Variants in PPFIA1 observed in about 807,000 individuals in gnomAD.
PPFIA1 encodes the protein liprin-alpha-1.
In PPFIA1, 25 loss-of-function variants were observed where a neutral mutation model predicts 149.9. The ratio of observed to expected loss-of-function variants is 0.17; its 90% CI spans 0.12 to 0.23. The LOEUF (loss-of-function observed/expected upper bound fraction) is 0.23, where lower values mean the gene tolerates loss of function less well. Among genes scored for constraint, PPFIA1 ranks in the 10% least tolerant of loss-of-function variants. The pLI is 1.00. For missense variants in PPFIA1, 1,362 were observed against 1,506.5 expected, an observed-to-expected ratio of 0.90 and a Z score of 1.59; for synonymous variants, 549 against 552.8, an observed-to-expected ratio of 0.99 and a Z score of 0.10.
Position 70,374,987 on chromosome 11 carries a change from A to T in PPFIA1, c.3209A>T (p.Asn1070Ile). The T allele has an allele frequency of 6.2e-7, 1 of 1,613,852 alleles. No individual in the cohort carries two copies. The highest frequency in any genetic ancestry group is 1.1e-5 in the South Asian group (1 of 91,026). ...ILSIGLKEYA[N>I]NLIESGVHGA... ...TCAATTGGCCTTAAAGAATATGCAAACAATCTTATAGAGAGTGGTGTTCAC... is the reference window on the plus strand; with the variant it reads ...TCAATTGGCCTTAAAGAATATGCAATCAATCTTATAGAGAGTGGTGTTCAC... The change falls in exon 24 of 28, where the codon AAC becomes ATC. Residue 1070 changes from asparagine (N) to isoleucine (I), a missense_variant. By Grantham distance (149) the Asn-to-Ile change is moderately radical (BLOSUM62 -3). Coordinates refer to ENST00000253925, the MANE Select transcript of PPFIA1 (RefSeq NM_003626.5).
chr11:70,349,791 G>A, intron 16 of PPFIA1: 1 of 385,042 alleles, frequency 2.6e-6, no homozygotes, highest in South Asian at 1.9e-5. Flanking sequence ...TTTCTGTCCA[G>A]AGAATTCGTA....
At chr11:70,361,039 G>GT (rs2056617251) in intron 19 of PPFIA1, among the ~76,000 whole-genome samples, 1 of 152,226 alleles carries the variant, frequency 6.6e-6, no homozygotes, top group African/African-American at 2.4e-5. Context: ...AAATACCTAT[G>GT]TTAGAGAGCA....
intron 2 of PPFIA1, among the ~76,000 whole-genome samples, chr11:70,285,161 C>T (rs184534064): frequency 2.2e-3 from 342 of 152,094 alleles, no homozygotes; most frequent in Non-Finnish European, 4.1e-3. Flanking sequence ...CGCCCGCCAC[C>T]GTGCCCGGCT....
At chr11:70,274,441 C>T (rs982811913) in intron 2 of PPFIA1, among the ~76,000 whole-genome samples, 1 of 152,256 alleles carries the variant, frequency 6.6e-6, no homozygotes, top group African/African-American at 2.4e-5. Flanking sequence ...GTAGTTGTCC[C>T]CCAGAGCTAA....
intron 2 of PPFIA1, among the ~76,000 whole-genome samples, chr11:70,276,401 T>G (rs996082101): frequency 1.3e-5 from 2 of 152,220 alleles, no homozygotes; most frequent in African/African-American, 4.8e-5. Context: ...TCTTGATGTA[T>G]TCTCCTTTTA....
intron 2 of PPFIA1, among the ~76,000 whole-genome samples, chr11:70,293,394 A>G (rs1420150042): frequency 6.6e-6 from 1 of 152,248 alleles, no homozygotes; most frequent in Non-Finnish European, 1.5e-5. Context: ...CTCTTGGCCC[A>G]TCATAACGTT....
intron 2 of PPFIA1, among the ~76,000 whole-genome samples, chr11:70,307,321 C>T (rs1380753375): frequency 6.6e-6 from 1 of 152,176 alleles, no homozygotes; most frequent in Non-Finnish European, 1.5e-5. Flanking sequence ...GAACATAAAC[C>T]TCATCAGTAG....
At chr11:70,378,486 T>G in intron 26 of PPFIA1, 1 of 1,111,980 alleles carries the variant, frequency 9.0e-7, no homozygotes, top group Non-Finnish European at 1.1e-6. Flanking sequence ...GAGGCATACT[T>G]GTAAATTTGT....
chr11:70,277,061 T>TAATATATATATATATATATATATATATA (rs397734412), intron 2 of PPFIA1, among the ~76,000 whole-genome samples: 1 of 14,674 alleles, frequency 6.8e-5, no homozygotes, highest in African/African-American at 2.8e-4. Context: ...TATATATATA[T>TAATATATATATATATATATATATATATA]TTTTTTTTTT....
intron 16 of PPFIA1, among the ~76,000 whole-genome samples, chr11:70,353,898 T>A (rs950262511): frequency 6.6e-6 from 1 of 152,242 alleles, no homozygotes; most frequent in African/African-American, 2.4e-5. Flanking sequence ...TATTTGTTAC[T>A]GGCTCTTCAT....
At chr11:70,287,617 C>T (rs2051232971) in intron 2 of PPFIA1, among the ~76,000 whole-genome samples, 1 of 151,476 alleles carries the variant, frequency 6.6e-6, no homozygotes, top group Non-Finnish European at 1.5e-5. Flanking sequence ...GCATCAGCCA[C>T]TACACCCGGC....
At chr11:70,302,419 C>T (rs1286820346) in intron 2 of PPFIA1, among the ~76,000 whole-genome samples, 1 of 152,142 alleles carries the variant, frequency 6.6e-6, no homozygotes, top group East Asian at 1.9e-4. Flanking sequence ...TCTCTGAGAG[C>T]CTCGTGGGAG....
rs117370958 is a variant in PPFIA1 at position 70,338,774 on chromosome 11, C to T, written c.1571+321C>T. Among the ~76,000 whole-genome samples, 12 of 152,342 alleles carry T rather than the reference C, an allele frequency of 7.9e-5. No homozygotes were observed. The South Asian group carries it at 2.1e-3, about 26-fold the overall frequency. ...AGATCTCACACCACAGATGCTGGCA[C>T]GGGTGGGACAATTGCAGAGCAGTTG... On this transcript the variant is annotated intron_variant, in intron 13 of 27. Transcript: ENST00000253925.
In PPFIA1 at chr11:70,375,055, C is replaced by G. The variant is rs775297296; in HGVS notation, c.3277C>G (p.Leu1093Val). ...AGATGAAACCTTCGACTTCAGTGCA[C>G]TGGCACTGCTGTTACAGATCCCGAC... Reference protein sequence around the residue: ...ALDETFDFSALALLLQIPTQN... With the variant: ...ALDETFDFSAVALLLQIPTQN... The change falls in exon 24 of 28, where the codon CTG (leucine) becomes GTG (valine). Residue 1093 changes from leucine to valine, a missense_variant. By Grantham distance (32) the Leu-to-Val change is conservative. This residue lies in a region of PPFIA1 where 349 missense variants were observed against 373.3 expected (regional missense o/e 0.93). Transcript: ENST00000253925. 19 of 1,613,208 alleles carry G rather than the reference C, an allele frequency of 1.2e-5. No individual in the cohort carries two copies. Among genetic ancestry groups the G allele is most frequent in the Non-Finnish European group, 1.6e-5 (19 of 1,179,856 alleles).
intron 2 of PPFIA1, among the ~76,000 whole-genome samples, chr11:70,319,462 T>G (rs183405393): frequency 1.3e-5 from 2 of 152,240 alleles, no homozygotes; most frequent in East Asian, 3.9e-4. Flanking sequence ...ATATTGATTT[T>G]AGTTCAGATC....
chr11:70,298,149 G>A (rs370383461), intron 2 of PPFIA1, among the ~76,000 whole-genome samples: 3 of 152,248 alleles, frequency 2.0e-5, no homozygotes, highest in South Asian at 2.1e-4. Context: ...CCTTCCTTCC[G>A]TCAACTTTTC....
intron 1 of PPFIA1, chr11:70,271,823 C>CCCCCT: frequency 6.6e-6 from 1 of 151,428 alleles, no homozygotes; most frequent in Non-Finnish European, 1.5e-5. Flanking sequence ...CTCCCCACCC[C>CCCCCT]ACTGGGAAGT....
intron 2 of PPFIA1, chr11:70,278,955 TG>T: frequency 1.6e-6 from 1 of 614,506 alleles, no homozygotes; most frequent in Admixed American, 2.0e-5. Context: ...TAGAGATTTG[TG>T]GATGTGTGGA....
At chr11:70,308,686 T>C (rs1429673429) in intron 2 of PPFIA1, among the ~76,000 whole-genome samples, 1 of 152,034 alleles carries the variant, frequency 6.6e-6, no homozygotes, top group African/African-American at 2.4e-5. Flanking sequence ...AATCCCAGCA[T>C]TTTGGGAGGT....
Sources: gnomAD v4.1 joint callset for allele counts (sites outside exome capture counted in the v4.1 genomes callset) on GRCh38, gnomAD v4.1.1 for gene constraint, gnomAD v4.1.1 regional missense constraint, MANE v1.5 for transcripts, NCBI Gene and HGNC (gene_info 2026-07-23, HGNC 2026-07-21) for gene names.